The following STARD9 variants were observed in gnomAD, a reference collection of about 807,000 sequenced individuals.
STARD9 encodes stAR-related lipid transfer protein 9.
A neutral mutation model predicts 399.8 loss-of-function variants in STARD9; 346 were observed. The observed-to-expected ratio is 0.87, with a 90% confidence interval of 0.79 to 0.95. STARD9 has a LOEUF of 0.95. Ranked by LOEUF, STARD9 falls within the 40% of genes least tolerant of loss-of-function variation. STARD9 has a pLI of 0.00. For synonymous variants in STARD9, 2,203 were observed against 2,143.5 expected (o/e 1.03, Z -0.77); for missense variants, 5,832 against 5,667.5 (o/e 1.03, Z -0.93).
Position 42,714,158 on chromosome 15 carries a change from G to A in STARD9, c.13285-2519G>A, listed in dbSNP as rs193137901. 9.2e-4 allele frequency among the ~76,000 whole-genome samples: 138 copies of A among 150,516 alleles called. No homozygotes were observed. In the Middle Eastern group the frequency reaches 0.01, roughly 11 times the overall value. ...GCTCACTGCAAGCTCCGCTTCCTGG[G>A]TTCACGCCATTCTCCTGCCTCAGCC... On this transcript the variant is annotated intron_variant, in intron 26 of 32. Transcript: ENST00000290607.
At chr15:42,654,868 A>G (rs374818330) in intron 9 of STARD9, among the ~76,000 whole-genome samples, 1 of 152,218 alleles carries the variant, frequency 6.6e-6, no homozygotes, top group African/African-American at 2.4e-5. Context: ...GCAGTCTACA[A>G]ATTCAATGCA....
Position 42,691,750 on chromosome 15 carries a change from A to G in STARD9, c.10172A>G (p.Asp3391Gly). The G allele has an allele frequency of 6.5e-7, 1 of 1,537,230 alleles. No homozygotes were observed. Among genetic ancestry groups the G allele is most frequent in the Non-Finnish European group, 8.7e-7 (1 of 1,146,908 alleles). The change falls in exon 23 of 33, where the codon GAT (aspartate) becomes GGT (glycine). Residue 3391 changes from aspartate to glycine, a missense_variant. Physicochemically the swap from Asp to Gly is moderately conservative, Grantham distance 94 (BLOSUM62 -1). This residue lies in a region of STARD9 where 5,828 missense variants were observed against 5,651.1 expected (regional missense o/e 1.03). Coordinates refer to ENST00000290607, the MANE Select transcript of STARD9 (RefSeq NM_020759.3). ...DSNQKASSRL[D>G]DGTTDHRHLK... ...AATCAGAAAGCCTCATCTCGCTTGG[A>G]TGATGGGACTACCGATCACAGGCAC...
At chr15:42,699,064 A>G (rs543814497) in intron 26 of STARD9, among the ~76,000 whole-genome samples, 1 of 152,264 alleles carries the variant, frequency 6.6e-6, no homozygotes, top group East Asian at 1.9e-4. Context: ...CACATAATGT[A>G]AATATTTATG....
chr15:42,716,791 G>T, intron 27 of STARD9, 27 bp downstream of exon 27: 2 of 1,529,754 alleles, frequency 1.3e-6, no homozygotes, highest in Non-Finnish European at 1.8e-6. Flanking sequence ...GTTGGGCATA[G>T]CCAGCTGCCT....
chr15:42,719,698 C>T lies in STARD9; in HGVS notation c.*124C>T. 2 of 666,862 alleles carry T rather than the reference C, an allele frequency of 3.0e-6. No homozygotes were observed. Among genetic ancestry groups the T allele is most frequent in the East Asian group, 2.8e-5 (1 of 36,280 alleles). The allele number at this position is 666,862 out of a possible 1,614,324, so 41.3% of individuals were successfully genotyped here. On this transcript the variant is annotated 3_prime_UTR_variant, in exon 33 of 33. Transcript: ENST00000290607. ...AAAAGCTGATGCTACCTGCTGTGGCCGATTGGGGCAGACAGCACTGGCCCA... is the reference window on the plus strand; with the variant it reads ...AAAAGCTGATGCTACCTGCTGTGGCTGATTGGGGCAGACAGCACTGGCCCA...
At chr15:42,607,223 G>A (rs147848213) in intron 3 of STARD9, among the ~76,000 whole-genome samples, 7 of 23,912 alleles carry the variant, frequency 2.9e-4, no homozygotes, top group Non-Finnish European at 8.6e-4. Flanking sequence ...TTTTTTTTAA[G>A]ATGGAGTCTC....
At chr15:42,642,776 A>G (rs920817617) in intron 7 of STARD9, among the ~76,000 whole-genome samples, 3 of 152,154 alleles carry the variant, frequency 2.0e-5, no homozygotes, top group African/African-American at 7.2e-5. Flanking sequence ...CTCAAACTGT[A>G]GTGAAGGACC....
At chr15:42,663,036 G>T in intron 11 of STARD9, 145 bp downstream of exon 11, 2 of 738,312 alleles carry the variant, frequency 2.7e-6, no homozygotes, top group South Asian at 1.9e-5. Context: ...ATTTGTCCTT[G>T]GTTTTAGAGT....
intron 20 of STARD9, 70 bp downstream of exon 20, chr15:42,676,045 C>CGGGGGG: frequency 5.5e-6 from 1 of 180,558 alleles, no homozygotes; most frequent in Non-Finnish European, 1.0e-5. Context: ...CAGCATGGAT[C>CGGGGGG]AGGGTGGGGG....
chr15:42,692,296 C>T lies in STARD9; in HGVS notation c.10718C>T (p.Thr3573Met), dbSNP rs577595003. 56 of 1,537,034 alleles carry T rather than the reference C, an allele frequency of 3.6e-5. No homozygotes were observed. The highest frequency in any genetic ancestry group is 2.7e-4 in the East Asian group (11 of 40,904). Residue 3573 changes from threonine (T) to methionine (M), a missense_variant, in exon 23 of 33, where the codon ACG becomes ATG. Physicochemically the swap from Thr to Met is moderately conservative, Grantham distance 81. Coordinates refer to ENST00000290607, the MANE Select transcript of STARD9 (RefSeq NM_020759.3). The part of the protein sequence containing the change: ...SIALGDPHIP[T>M]SPEGVAPTSG... ...GCCTTAGGAGACCCCCACATCCCGACGAGCCCTGAAGGAGTAGCCCCCACT... is the reference window on the plus strand; with the variant it reads ...GCCTTAGGAGACCCCCACATCCCGATGAGCCCTGAAGGAGTAGCCCCCACT...
At chr15:42,648,656 G>A (rs561966699) in intron 7 of STARD9, among the ~76,000 whole-genome samples, 1 of 152,102 alleles carries the variant, frequency 6.6e-6, no homozygotes, top group Non-Finnish European at 1.5e-5. Flanking sequence ...CTACTTATGG[G>A]TAGATTTAGG....
At chr15:42,663,589 T>C in intron 12 of STARD9, 99 bp downstream of exon 12, 1 of 624,462 alleles carries the variant, frequency 1.6e-6, no homozygotes, top group East Asian at 2.7e-5. Flanking sequence ...GCTGGATCTG[T>C]GTTGGGACTG....
At position 42,682,407 on chromosome 15, in the gene STARD9, A is replaced by G. The variant is rs2060450115; in HGVS notation, c.2369A>G (p.Lys790Arg). The G allele has an allele frequency of 6.5e-7, 1 of 1,537,120 alleles. No homozygotes were observed. Among genetic ancestry groups the G allele is most frequent in the African/African-American group, 1.4e-5 (1 of 73,034 alleles). Residue 790 changes from lysine to arginine, a missense_variant, in exon 22 of 33, where the codon AAG becomes AGG. Physicochemically the swap from Lys to Arg is conservative, Grantham distance 26 (BLOSUM62 2). Transcript: ENST00000290607. ...CTGGAGGCCCAGAAGAGACTGGAGA[A>G]GCTCACGACATTGTGCTGGCTCCAG... ...RLLEAQKRLE[K>R]LTTLCWLQDD...
chr15:42,581,432 G>C, intron 1 of STARD9: 1 of 1,525,954 alleles, frequency 6.6e-7, no homozygotes, highest in Non-Finnish European at 9.0e-7. Flanking sequence ...CCACGGTGTG[G>C]GTGGGGAAGG....
intron 3 of STARD9, among the ~76,000 whole-genome samples, chr15:42,630,679 T>C (rs1192738452): frequency 6.6e-6 from 1 of 152,194 alleles, no homozygotes; most frequent in Non-Finnish European, 1.5e-5. Flanking sequence ...TCTAGGAATT[T>C]ATCCATTTCT....
At chr15:42,639,817 T>C (rs539682205) in intron 7 of STARD9, among the ~76,000 whole-genome samples, 1 of 151,938 alleles carries the variant, frequency 6.6e-6, no homozygotes, top group South Asian at 2.1e-4. Context: ...TGAGTCGAGA[T>C]TGCGCAACTG....
At chr15:42,711,608 T>TG (rs2061225382) in intron 26 of STARD9, among the ~76,000 whole-genome samples, 1 of 152,244 alleles carries the variant, frequency 6.6e-6, no homozygotes, top group Non-Finnish European at 1.5e-5. Flanking sequence ...GAGACAGTGA[T>TG]TTAACCCACA....
intron 10 of STARD9, among the ~76,000 whole-genome samples, chr15:42,661,427 A>C (rs549781252): frequency 1.3e-5 from 2 of 152,262 alleles, no homozygotes; most frequent in South Asian, 4.1e-4. Flanking sequence ...TTGGTTGTAC[A>C]TTAAATCACC....
At chr15:42,655,108 C>G (rs1470713817) in intron 9 of STARD9, among the ~76,000 whole-genome samples, 1 of 152,116 alleles carries the variant, frequency 6.6e-6, no homozygotes, top group East Asian at 1.9e-4. Flanking sequence ...ATGGTGAAAC[C>G]CCTCTCTACT....
Sources: gnomAD v4.1 joint callset for allele counts (sites outside exome capture counted in the v4.1 genomes callset) on GRCh38, gnomAD v4.1.1 for gene constraint, gnomAD v4.1.1 regional missense constraint, MANE v1.5 for transcripts, NCBI Gene and HGNC (gene_info 2026-07-23, HGNC 2026-07-21) for gene names.